Variants in SYNE1 observed in about 807,000 individuals in gnomAD.
The protein encoded by SYNE1 is spectrin repeat containing nuclear envelope protein 1, also known as nesprin-1.
In SYNE1, 616 loss-of-function variants were observed where a neutral mutation model predicts 1,111.0. The ratio of observed to expected loss-of-function variants is 0.55; its 90% CI spans 0.52 to 0.59. The LOEUF is 0.59. Among genes scored for constraint, SYNE1 ranks in the 20% least tolerant of loss-of-function variants. SYNE1 has a pLI of 0.00. For synonymous variants in SYNE1, 3,855 were observed against 3,825.8 expected (o/e 1.01, Z -0.28); for missense variants, 10,006 against 10,417.0 (o/e 0.96, Z 1.72).
intron 14 of SYNE1, among the ~76,000 whole-genome samples, chr6:152,477,056 AT>A (rs772244633): frequency 8.5e-5 from 13 of 152,190 alleles, no homozygotes; most frequent in Non-Finnish European, 1.6e-4. Flanking sequence ...ATTCTGAACA[AT>A]TTTATGCTAA....
intron 3 of SYNE1, among the ~76,000 whole-genome samples, chr6:152,556,294 C>T (rs565961685): frequency 7.9e-5 from 12 of 152,308 alleles, no homozygotes; most frequent in Admixed American, 5.9e-4. Flanking sequence ...TCACCCCCTT[C>T]CCAAGCCTGT....
At chr6:152,357,942 C>T (rs1241763482) in intron 66 of SYNE1, among the ~76,000 whole-genome samples, 4 of 152,086 alleles carry the variant, frequency 2.6e-5, no homozygotes, top group African/African-American at 7.2e-5. Context: ...GAACCGGTAC[C>T]ATCAGCAATG....
At chr6:152,202,002 G>C (rs1211319929) in intron 126 of SYNE1, 53 bp from the exon 127 acceptor site, 4 of 1,600,354 alleles carry the variant, frequency 2.5e-6, no homozygotes, top group African/African-American at 1.3e-5. Context: ...TAGGAAACTG[G>C]GGGGGGAAAA....
intron 13 of SYNE1, 131 bp from the exon 14 acceptor site, chr6:152,483,380 A>G (rs954127198): frequency 4.2e-5 from 34 of 812,952 alleles, no homozygotes; most frequent in Non-Finnish European, 6.0e-5. Context: ...ATAAATATCA[A>G]ATAAGCAAAT....
At chr6:152,587,576 G>T (rs960323038) in intron 3 of SYNE1, among the ~76,000 whole-genome samples, 1 of 152,190 alleles carries the variant, frequency 6.6e-6, no homozygotes, top group Non-Finnish European at 1.5e-5. Context: ...TTTGTGGGGT[G>T]AGTTGCTCAG....
intron 4 of SYNE1, 90 bp from the exon 5 acceptor site, chr6:152,526,265 T>G: frequency 7.4e-7 from 1 of 1,353,190 alleles, no homozygotes; most frequent in East Asian, 2.3e-5. Flanking sequence ...CTTATGGTGG[T>G]GAAATTTGTA....
At chr6:152,632,239 T>C (rs148956398) in intron 2 of SYNE1, among the ~76,000 whole-genome samples, 1 of 152,330 alleles carries the variant, frequency 6.6e-6, no homozygotes, top group African/African-American at 2.4e-5. Flanking sequence ...TATTTTTTGT[T>C]TCATTGAATC....
intron 75 of SYNE1, 112 bp downstream of exon 75, chr6:152,339,129 T>C: frequency 7.1e-7 from 1 of 1,399,298 alleles, no homozygotes; most frequent in Non-Finnish European, 9.9e-7. Context: ...GTAGAACCAT[T>C]ACATACAGCA....
intron 106 of SYNE1, among the ~76,000 whole-genome samples, chr6:152,242,735 T>C (rs1295234890): frequency 3.3e-5 from 5 of 152,156 alleles, no homozygotes; most frequent in African/African-American, 9.7e-5. Flanking sequence ...TTAATCTTAT[T>C]TGGTATTCTT....
In SYNE1 at chr6:152,130,794, AG is replaced by A; in HGVS notation, c.26095-17del. The A allele has an allele frequency of 1.9e-6, 3 of 1,614,062 alleles. No individual in the cohort carries two copies. Among genetic ancestry groups the A allele is most frequent in the Non-Finnish European group, 2.5e-6 (3 of 1,179,952 alleles). ...TGCCTCGTGGCTGTTTGCAATGAAC[AG>A]GGGGTAAAGAAAGAAGAATGTTCAG... On this transcript the variant is annotated splice_polypyrimidine_tract_variant and intron_variant, in intron 144 of 145. Transcript: ENST00000367255.
intron 16 of SYNE1, 23 bp downstream of exon 16, chr6:152,471,574 C>A: frequency 6.2e-7 from 1 of 1,612,668 alleles, no homozygotes; most frequent in South Asian, 1.1e-5. Flanking sequence ...TAGGAATTCT[C>A]TGTCAAAGCA....
At chr6:152,451,980 C>G (rs540818374) in intron 25 of SYNE1, among the ~76,000 whole-genome samples, 1 of 150,448 alleles carries the variant, frequency 6.6e-6, no homozygotes, top group African/African-American at 2.5e-5. Context: ...ATGAGGAAAG[C>G]TTATTACTGA....
Position 152,318,985 on chromosome 6 carries a change from TCTGCTCAAC to T in SYNE1, c.16258_16266del (p.Val5420_Gln5422del). 1 of 1,614,224 alleles carries T rather than the reference TCTGCTCAAC, an allele frequency of 6.2e-7. No homozygotes were observed. The highest frequency in any genetic ancestry group is 8.5e-7 in the Non-Finnish European group (1 of 1,180,030). ...CTGAGTTCCTGGCTCGTGGCCTTGC[TCTGCTCAAC>T]TTCTTTTATTTTGTCTTGGATCTAA... On this transcript the variant is annotated inframe_deletion, in exon 85 of 146. Transcript: ENST00000367255.
intron 125 of SYNE1, 53 bp downstream of exon 125, chr6:152,207,919 G>A (rs1221532701): frequency 1.3e-6 from 2 of 1,582,732 alleles, no homozygotes; most frequent in African/African-American, 2.7e-5. Flanking sequence ...CGAAGGTAAA[G>A]TGTGCGGTGG....
intron 11 of SYNE1, among the ~76,000 whole-genome samples, chr6:152,497,652 T>C (rs975285894): frequency 6.6e-6 from 1 of 152,236 alleles, no homozygotes; most frequent in African/African-American, 2.4e-5. Context: ...AAAATAACTT[T>C]ATTAGAGCCT....
chr6:152,309,660 CT>C (rs2095489559), intron 90 of SYNE1, among the ~76,000 whole-genome samples, 174 bp downstream of exon 90: 1 of 152,178 alleles, frequency 6.6e-6, no homozygotes, highest in African/African-American at 2.4e-5. Flanking sequence ...ATTCCCCAGG[CT>C]TTTGTGGGTG....
chr6:152,406,642 C>G (rs2097905955), intron 45 of SYNE1, among the ~76,000 whole-genome samples: 1 of 152,022 alleles, frequency 6.6e-6, no homozygotes. Context: ...CTGAGGTGGG[C>G]AGATCACCTG....
intron 14 of SYNE1, among the ~76,000 whole-genome samples, chr6:152,473,968 G>A (rs998972270): frequency 1.3e-5 from 2 of 152,072 alleles, no homozygotes; most frequent in South Asian, 2.1e-4. Context: ...GGTGGATCAC[G>A]AGGTCAGGAG....
At chr6:152,457,811 T>C (rs573533839) in intron 22 of SYNE1, among the ~76,000 whole-genome samples, 12 of 151,986 alleles carry the variant, frequency 7.9e-5, no homozygotes, top group Middle Eastern at 3.5e-3. Context: ...AAATTAACCA[T>C]TTCGTCAATC....
Sources: gnomAD v4.1 joint callset for allele counts (sites outside exome capture counted in the v4.1 genomes callset) on GRCh38, gnomAD v4.1.1 for gene constraint, MANE v1.5 for transcripts, NCBI Gene and HGNC (gene_info 2026-07-23, HGNC 2026-07-21) for gene names.